Variants in PCDHGA4 observed in about 807,000 individuals in gnomAD.
The protein encoded by PCDHGA4 is protocadherin gamma-A4.
Under a neutral mutation model 54.6 loss-of-function variants are expected in PCDHGA4, and 38 were observed. The ratio of observed to expected loss-of-function variants is 0.70; its 90% CI spans 0.54 to 0.91. The LOEUF is 0.91. Ranked by LOEUF, PCDHGA4 falls within the 40% of genes least tolerant of loss-of-function variation. PCDHGA4 has a pLI of 0.00. For missense variants in PCDHGA4, 1,298 were observed against 1,220.9 expected (o/e 1.06, Z -0.94); for synonymous variants, 511 against 512.9 (o/e 1.00, Z 0.05).
intron 1 of PCDHGA4, among the ~76,000 whole-genome samples, chr5:141,475,097 T>C (rs180692931): frequency 6.6e-6 from 1 of 152,370 alleles, no homozygotes; most frequent in East Asian, 1.9e-4. Context: ...TTTATAAAGA[T>C]CCTAGGTGGT....
intron 1 of PCDHGA4, chr5:141,414,036 A>G: frequency 6.2e-7 from 1 of 1,612,018 alleles, no homozygotes; most frequent in South Asian, 1.1e-5. Context: ...CATTCCGAAA[A>G]TTACCTGACA....
intron 1 of PCDHGA4, among the ~76,000 whole-genome samples, chr5:141,460,961 A>G (rs113156768): frequency 0.11 from 16,010 of 144,518 alleles, 1,385 homozygotes; most frequent in African/African-American, 0.24. Context: ...GTATATATAT[A>G]TGTGTGTGTG....
At chr5:141,372,662 T>C in intron 1 of PCDHGA4, 1 of 1,614,056 alleles carries the variant, frequency 6.2e-7, no homozygotes, top group Non-Finnish European at 8.5e-7. Context: ...ATCCGTGTGC[T>C]GCCTCACATT....
At chr5:141,399,854 GC>G (rs1416380474) in intron 1 of PCDHGA4, 1 of 1,612,786 alleles carries the variant, frequency 6.2e-7, no homozygotes, top group Admixed American at 1.7e-5. Context: ...ATGGTGCCGC[GC>G]GCTGCAGAGC....
intron 1 of PCDHGA4, among the ~76,000 whole-genome samples, chr5:141,454,657 C>T (rs554561906): frequency 5.1e-4 from 77 of 152,192 alleles, no homozygotes; most frequent in African/African-American, 1.7e-3. Flanking sequence ...CTGCCCACCT[C>T]GGCCTCCCAA....
Position 141,394,683 on chromosome 5 carries a change from G to A in PCDHGA4, c.2514+37062G>A, listed in dbSNP as rs1008097766. ...ACTCTTCTCGGTGGGTCTGCACACG[G>A]GCGAGGTGCGCACGGCGCGAGCCCT... On this transcript the variant is annotated intron_variant, in intron 1 of 3. Coordinates refer to ENST00000571252, the MANE Select transcript of PCDHGA4 (RefSeq NM_018917.4). 5 of 1,611,630 alleles carry A rather than the reference G, an allele frequency of 3.1e-6. No homozygotes were observed. In the African/African-American group the frequency reaches 5.4e-5, roughly 17 times the overall value.
intron 1 of PCDHGA4, among the ~76,000 whole-genome samples, chr5:141,454,831 A>C (rs1489772379): frequency 1.3e-5 from 1 of 78,366 alleles, no homozygotes; most frequent in African/African-American, 6.7e-5. Context: ...TTTTTGAGAC[A>C]GAGTCGCGCT....
chr5:141,392,929 C>G, intron 1 of PCDHGA4: 2 of 1,613,888 alleles, frequency 1.2e-6, no homozygotes, highest in Non-Finnish European at 1.7e-6. Context: ...CCAGAAGAGA[C>G]GGACAAAGGC....
At chr5:141,498,863 G>A (rs1311199561) in intron 2 of PCDHGA4, among the ~76,000 whole-genome samples, 2 of 151,466 alleles carry the variant, frequency 1.3e-5, no homozygotes, top group South Asian at 2.1e-4. Context: ...AACCCAGGAG[G>A]CGGAGGTTGC....
At chr5:141,388,209 G>A in intron 1 of PCDHGA4, 1 of 1,586,286 alleles carries the variant, frequency 6.3e-7, no homozygotes, top group Non-Finnish European at 8.6e-7. Context: ...ATTTGAGGCT[G>A]TTGCTGAAAA....
intron 1 of PCDHGA4, chr5:141,360,857 T>A (rs765284863): frequency 5.6e-6 from 9 of 1,613,894 alleles, no homozygotes; most frequent in Non-Finnish European, 7.6e-6. Context: ...AACCCTCCAG[T>A]GTTCAGCCAG....
At position 141,409,941 on chromosome 5, in the gene PCDHGA4, G is replaced by C. The variant is rs757414302; in HGVS notation, c.2514+52320G>C. ...TCCGCGTTCTTCGATATGGTACCTC[G>C]CTCTGCAGAGCCCGGCTACCTAGTG... On this transcript the variant is annotated intron_variant, in intron 1 of 3. Transcript: ENST00000571252. 1.9e-6 allele frequency: 3 copies of C among 1,613,226 alleles called. No homozygotes were observed. In the South Asian group the frequency reaches 3.3e-5, roughly 18 times the overall value.
intron 1 of PCDHGA4, chr5:141,423,869 T>A (rs1239422805): frequency 5.4e-6 from 7 of 1,285,484 alleles, no homozygotes; most frequent in Non-Finnish European, 6.9e-6. Flanking sequence ...TGAAAGTCAT[T>A]TTTCAATCTT....
intron 1 of PCDHGA4, chr5:141,415,006 C>T (rs1353721901): frequency 1.2e-6 from 2 of 1,613,652 alleles, no homozygotes; most frequent in Non-Finnish European, 8.5e-7. Flanking sequence ...GCTGTCCTAC[C>T]GTCTGCTCAA....
chr5:141,381,826 C>CTTCTTTTTTTTT (rs1777532522), intron 1 of PCDHGA4, among the ~76,000 whole-genome samples: 2 of 74,284 alleles, frequency 2.7e-5, no homozygotes, highest in African/African-American at 1.2e-4. Flanking sequence ...CTTTCTTCTT[C>CTTCTTTTTTTTT]TTTTTTTTTT....
chr5:141,360,940 C>A (rs753520735), intron 1 of PCDHGA4: 6 of 1,613,772 alleles, frequency 3.7e-6, no homozygotes, highest in South Asian at 2.2e-5. Context: ...AGCCACCGAC[C>A]GGGATGAAGG....
chr5:141,407,317 T>G (rs1268885358), intron 1 of PCDHGA4, among the ~76,000 whole-genome samples: 1 of 152,198 alleles, frequency 6.6e-6, no homozygotes, highest in Non-Finnish European at 1.5e-5. Flanking sequence ...TCATACTTAG[T>G]ATTTATAAAT....
At chr5:141,360,594 A>G in intron 1 of PCDHGA4, 1 of 1,614,032 alleles carries the variant, frequency 6.2e-7, no homozygotes, top group Non-Finnish European at 8.5e-7. Context: ...CAACATTTCC[A>G]CTTGACCCAG....
At chr5:141,409,620 A>C in intron 1 of PCDHGA4, 2 of 1,613,876 alleles carry the variant, frequency 1.2e-6, no homozygotes, top group Non-Finnish European at 1.7e-6. Flanking sequence ...TCCATTGCGC[A>C]AGTGAGCGCC....
Sources: gnomAD v4.1 joint callset for allele counts (sites outside exome capture counted in the v4.1 genomes callset) on GRCh38, gnomAD v4.1.1 for gene constraint, MANE v1.5 for transcripts, NCBI Gene and HGNC (gene_info 2026-07-23, HGNC 2026-07-21) for gene names.